The following VIRMA variants were observed in gnomAD, a reference collection of about 807,000 sequenced individuals.
VIRMA encodes the protein vir like m6A methyltransferase associated, also known as protein virilizer homolog.
Under a neutral mutation model 182.4 loss-of-function variants are expected in VIRMA, and 65 were observed. The ratio of observed to expected loss-of-function variants is 0.36; its 90% CI spans 0.29 to 0.44. The LOEUF is 0.44. Ranked by LOEUF, VIRMA falls within the 20% of genes least tolerant of loss-of-function variation. The probability of loss-of-function intolerance (pLI) is 1.00; values close to 1 mark genes in which losing one functional copy is unlikely to be tolerated. For synonymous variants in VIRMA, 709 were observed against 743.1 expected, an observed-to-expected ratio of 0.95 and a Z score of 0.75; for missense variants, 1,752 against 2,158.1, an observed-to-expected ratio of 0.81 and a Z score of 3.73.
chr8:94,541,377 G>A (rs1229779501), intron 2 of VIRMA, among the ~76,000 whole-genome samples: 1 of 152,006 alleles, frequency 6.6e-6, no homozygotes, highest in East Asian at 1.9e-4. Context: ...TGGGATTAGA[G>A]GCCTGAGCCA....
chr8:94,517,383 A>G (rs146218121), intron 10 of VIRMA, among the ~76,000 whole-genome samples: 6 of 152,284 alleles, frequency 3.9e-5, no homozygotes, highest in African/African-American at 1.4e-4. Context: ...TTGTATTATT[A>G]GTAGAGATGG....
rs529045472 is a variant in VIRMA, at chr8:94,488,408, G to A, written c.*298C>T. 4.2e-6 allele frequency: 1 copy of A among 235,458 alleles called. No individual in the cohort carries two copies. Among genetic ancestry groups the A allele is most frequent in the South Asian group, 8.8e-5 (1 of 11,404 alleles). The allele number at this position is 235,458 out of a possible 1,614,324, so 14.6% of individuals were successfully genotyped here. A position where few individuals can be genotyped will look rare whatever the true frequency, so the allele number is the denominator to read the frequency against. Reference sequence around the variant, plus strand: ...CTAAATAGTGTCATGAGCTGAGAAAGTTTGAGAATATCTGTGCTATAGGCA... The same window carrying A: ...CTAAATAGTGTCATGAGCTGAGAAAATTTGAGAATATCTGTGCTATAGGCA... On this transcript the variant is annotated 3_prime_UTR_variant, in exon 24 of 24. Coordinates refer to ENST00000297591, the MANE Select transcript of VIRMA (RefSeq NM_015496.5).
intron 22 of VIRMA, 172 bp from the exon 23 acceptor site, chr8:94,490,254 C>A: frequency 1.6e-6 from 1 of 621,750 alleles, no homozygotes; most frequent in Non-Finnish European, 2.6e-6. Flanking sequence ...GGCTCTAGAG[C>A]CAAACTGCCA....
chr8:94,515,821 GGC>G (rs1315570040), intron 10 of VIRMA, among the ~76,000 whole-genome samples: 1 of 151,698 alleles, frequency 6.6e-6, no homozygotes, highest in Non-Finnish European at 1.5e-5. Flanking sequence ...AATAGGGCTG[GGC>G]GTGGTGACTC....
intron 2 of VIRMA, among the ~76,000 whole-genome samples, chr8:94,539,215 T>A (rs920811750): frequency 2.6e-5 from 4 of 152,262 alleles, no homozygotes; most frequent in Admixed American, 2.6e-4. Context: ...ACCAAAAGAA[T>A]CAGGGATTAG....
chr8:94,544,916 C>A (rs1386408904), intron 1 of VIRMA, among the ~76,000 whole-genome samples: 9 of 151,806 alleles, frequency 5.9e-5, no homozygotes, highest in African/African-American at 7.3e-5. Flanking sequence ...CCGAGATAAA[C>A]CCCTCCTAAA....
chr8:94,501,845 TG>T (rs1813996790), intron 16 of VIRMA, among the ~76,000 whole-genome samples: 2 of 152,134 alleles, frequency 1.3e-5, no homozygotes, highest in African/African-American at 2.4e-5. Context: ...TAGTAGTACT[TG>T]GAAGGTTGAG....
chr8:94,534,763 G>A lies in VIRMA; in HGVS notation c.484+76C>T, dbSNP rs1815278851. 1.6e-5 allele frequency: 24 copies of A among 1,523,276 alleles called. No individual in the cohort carries two copies. In the South Asian group the frequency reaches 2.4e-4, roughly 15 times the overall value. 94.4% of individuals were successfully genotyped at this position (1,523,276 alleles called of 1,614,324 possible). A position where few individuals can be genotyped will look rare whatever the true frequency, so the allele number is the denominator to read the frequency against. On this transcript the variant is annotated intron_variant, in intron 5 of 23. Transcript: ENST00000297591. ...TAAAACAAAAACAAAAGGTAAAAGA[G>A]TGCTCTTCGAATTATTTTTTTTTTT...
Position 94,519,825 on chromosome 8 carries a change from C to T in VIRMA, c.2022-349G>A, listed in dbSNP as rs375412131. Among the ~76,000 whole-genome samples, 4 of 152,234 alleles carry T rather than the reference C, an allele frequency of 2.6e-5. No individual in the cohort carries two copies. In the East Asian group the frequency reaches 7.7e-4, roughly 29 times the overall value. ...CATGGCATATTGGTATATTTAAATTCATGTATCTAGGAAAAATATAGTATA... is the reference window on the plus strand; with the variant it reads ...CATGGCATATTGGTATATTTAAATTTATGTATCTAGGAAAAATATAGTATA... On this transcript the variant is annotated intron_variant, in intron 8 of 23. Transcript: ENST00000297591.
chr8:94,488,587 A>G lies in VIRMA; in HGVS notation c.*119T>C. The G allele has an allele frequency of 1.1e-6, 1 of 932,656 alleles. No individual in the cohort carries two copies. The highest frequency in any genetic ancestry group is 1.5e-6 in the Non-Finnish European group (1 of 652,726). 57.8% of individuals were successfully genotyped at this position (932,656 alleles called of 1,614,324 possible). A position where few individuals can be genotyped will look rare whatever the true frequency, so the allele number is the denominator to read the frequency against. On this transcript the variant is annotated 3_prime_UTR_variant, in exon 24 of 24. Transcript: ENST00000297591. The stretch of plus-strand genomic sequence containing the variant: ...CAAACAAATTCTGCTTTCTTCAGAT[A>G]AAAATATTCTCTCAGATGTCTCCAG...
At chr8:94,504,000 C>T (rs13439676) in intron 16 of VIRMA, among the ~76,000 whole-genome samples, 6,056 of 151,954 alleles carry the variant, frequency 0.04, 132 homozygotes, top group Middle Eastern at 0.051. Flanking sequence ...TGGTGAAACC[C>T]GCTCTCTACT....
At chr8:94,489,366 G>C (rs1197293938) in intron 23 of VIRMA, among the ~76,000 whole-genome samples, 2 of 152,186 alleles carry the variant, frequency 1.3e-5, no homozygotes, top group Non-Finnish European at 2.9e-5. Context: ...TATTTTTACA[G>C]AAGATGTATA....
intron 4 of VIRMA, among the ~76,000 whole-genome samples, chr8:94,535,875 T>C (rs1815324908): frequency 6.6e-6 from 1 of 152,118 alleles, no homozygotes; most frequent in Non-Finnish European, 1.5e-5. Flanking sequence ...CTTTTGCCAA[T>C]GCCATTAACC....
At chr8:94,522,448 T>A (rs1814807120) in intron 8 of VIRMA, among the ~76,000 whole-genome samples, 1 of 152,180 alleles carries the variant, frequency 6.6e-6, no homozygotes, top group Admixed American at 6.5e-5. Flanking sequence ...CTTGGTGCTC[T>A]TGGGGAACCT....
At chr8:94,497,148 G>C (rs1813807444) in intron 17 of VIRMA, 1 of 152,232 alleles carries the variant, frequency 6.6e-6, no homozygotes, top group South Asian at 2.1e-4. Context: ...CACCTAGGCT[G>C]CAGTGCAGTG....
chr8:94,492,609 CT>C, intron 21 of VIRMA, 42 bp downstream of exon 21: 1 of 1,547,710 alleles, frequency 6.5e-7, no homozygotes, highest in Non-Finnish European at 8.9e-7. Context: ...AATACATAAG[CT>C]TATGTGATGA....
Position 94,517,892 on chromosome 8 carries a change from A to G in VIRMA, c.2564T>C (p.Ile855Thr), listed in dbSNP as rs1814616976. 1.9e-6 allele frequency: 3 copies of G among 1,612,204 alleles called. 1 individual carries two copies. The highest frequency in any genetic ancestry group is 2.2e-5 in the South Asian group (2 of 91,024). Residue 855 changes from isoleucine to threonine, a missense_variant, in exon 10 of 24, where the codon ATT (isoleucine) becomes ACT (threonine). By Grantham distance (89) the Ile-to-Thr change is moderately conservative (BLOSUM62 -1). This residue lies in a region of VIRMA where 777 missense variants were observed against 920.6 expected (regional missense o/e 0.84). Coordinates refer to ENST00000297591, the MANE Select transcript of VIRMA (RefSeq NM_015496.5). ...SVAYNYACIL[I>T]LVVVQSSSDV... ...ACTGGAAGACTGAACCACCACCAAA[A>G]TAAGTATGCATGCGTAATTATAAGC...
Position 94,496,496 on chromosome 8 carries a change from ATAAGT to A in VIRMA, c.4231-21_4231-17del. 1 of 1,597,144 alleles carries A rather than the reference ATAAGT, an allele frequency of 6.3e-7. No individual in the cohort carries two copies. Among genetic ancestry groups the A allele is most frequent in the South Asian group, 1.2e-5 (1 of 86,704 alleles). On this transcript the variant is annotated splice_polypyrimidine_tract_variant and intron_variant, in intron 17 of 23. Coordinates refer to ENST00000297591, the MANE Select transcript of VIRMA (RefSeq NM_015496.5). ...CACAGCATCCCTGTAAATGTCACAC[ATAAGT>A]TAAATTTGAGAACAGAGAAATTTAC...
chr8:94,495,062 A>G, intron 19 of VIRMA, 106 bp from the exon 20 acceptor site: 1 of 766,666 alleles, frequency 1.3e-6, no homozygotes, highest in Non-Finnish European at 2.3e-6. Context: ...GCGCAGTGGC[A>G]CGATCACAGT....
Sources: gnomAD v4.1 joint callset for allele counts (sites outside exome capture counted in the v4.1 genomes callset) on GRCh38, gnomAD v4.1.1 for gene constraint, gnomAD v4.1.1 regional missense constraint, MANE v1.5 for transcripts, NCBI Gene and HGNC (gene_info 2026-07-23, HGNC 2026-07-21) for gene names.